YBX1: variants seen among roughly 807,000 people sequenced by gnomAD.
YBX1 encodes Y-box-binding protein 1.
In YBX1, 3 loss-of-function variants were observed where a neutral mutation model predicts 41.4. That is an observed-to-expected ratio of 0.07 (90% confidence interval 0.03 to 0.19). YBX1 has a LOEUF of 0.19. YBX1 is among the 10% of genes least tolerant of loss of function. The pLI is 1.00. For synonymous variants in YBX1, 133 were observed against 165.8 expected (o/e 0.80, Z 1.52); for missense variants, 274 against 462.8 (o/e 0.59, Z 3.74).
Position 42,682,477 on chromosome 1 carries a change from GC to G in YBX1, c.-85del. 1 of 1,334,412 alleles carries G rather than the reference GC, an allele frequency of 7.5e-7. No homozygotes were observed. The highest frequency in any genetic ancestry group is 9.6e-7 in the Non-Finnish European group (1 of 1,042,110). The allele number at this position is 1,334,412 out of a possible 1,614,324, so 82.7% of individuals were successfully genotyped here. On this transcript the variant is annotated 5_prime_UTR_variant, in exon 1 of 8. Transcript: ENST00000321358. ...AGCGGACCCCAGAGAGCCCTGAGCA[GC>G]CCCACCGCCGCCGCCGGCCTAGTTA...
At chr1:42,697,421 A>G (rs1650489187) in intron 6 of YBX1, among the ~76,000 whole-genome samples, 159 bp downstream of exon 6, 2 of 152,260 alleles carry the variant, frequency 1.3e-5, no homozygotes, top group African/African-American at 4.8e-5. Context: ...CAGCTTGTAT[A>G]GATGAGGTCT....
intron 2 of YBX1, among the ~76,000 whole-genome samples, chr1:42,692,410 G>A (rs1557531756): frequency 6.6e-6 from 1 of 152,110 alleles, no homozygotes; most frequent in Non-Finnish European, 1.5e-5. Flanking sequence ...TCAGTTTTCA[G>A]TCACTTGCCT....
chr1:42,683,526 G>T (rs1426709538), intron 2 of YBX1, 60 bp downstream of exon 2: 1 of 1,596,992 alleles, frequency 6.3e-7, no homozygotes, highest in African/African-American at 1.3e-5. Flanking sequence ...TGCTCTGTCG[G>T]CTTCTCGGGG....
Position 42,682,599 on chromosome 1 carries a change from G to A in YBX1, c.34G>A (p.Ala12Thr), listed in dbSNP as rs1557526410. 2.6e-5 allele frequency: 37 copies of A among 1,437,390 alleles called. No homozygotes were observed. Among genetic ancestry groups the A allele is most frequent in the Non-Finnish European group, 3.1e-5 (34 of 1,098,660 alleles). 89.0% of individuals were successfully genotyped at this position (1,437,390 alleles called of 1,614,324 possible). The change falls in exon 1 of 8, where the codon GCC becomes ACC. Residue 12 changes from alanine to threonine, a missense_variant. Ala to Thr is a moderately conservative substitution (Grantham distance 58). Coordinates refer to ENST00000321358, the MANE Select transcript of YBX1 (RefSeq NM_004559.5). ...CGAGGCCGAGACCCAGCAGCCGCCC[G>A]CCGCCCCCCCCGCCGCCCCCGCCCT... Reference protein sequence around the residue: ...SSEAETQQPPAAPPAAPALSA... With the variant: ...SSEAETQQPPTAPPAAPALSA...
chr1:42,699,117 G>T (rs1650531866), intron 6 of YBX1, among the ~76,000 whole-genome samples: 1 of 152,134 alleles, frequency 6.6e-6, no homozygotes. Flanking sequence ...ACAGTTGATG[G>T]CAGGAAAGTG....
At chr1:42,684,507 T>G (rs1415481299) in intron 2 of YBX1, among the ~76,000 whole-genome samples, 2 of 152,160 alleles carry the variant, frequency 1.3e-5, no homozygotes, top group African/African-American at 4.8e-5. Context: ...ATGGGCAAAA[T>G]CAAGCTTAAG....
intron 2 of YBX1, among the ~76,000 whole-genome samples, chr1:42,689,257 A>G (rs1471408854): frequency 6.6e-6 from 1 of 152,044 alleles, no homozygotes; most frequent in African/African-American, 2.4e-5. Flanking sequence ...AATAGAGAAG[A>G]AATACAAAGA....
Position 42,696,516 on chromosome 1 carries a change from C to G in YBX1, c.355-126C>G. Reference sequence around the variant, plus strand: ...ACCCCTGGTCACGCAGTTGCGCCCCCCCCCCCTTTTTTTTCCTTAACTTTG... The same window carrying G: ...ACCCCTGGTCACGCAGTTGCGCCCCGCCCCCCTTTTTTTTCCTTAACTTTG... On this transcript the variant is annotated intron_variant, in intron 4 of 7. Coordinates refer to ENST00000321358, the MANE Select transcript of YBX1 (RefSeq NM_004559.5). This position sits in a 1 kb window ranked among gnomAD's most constrained non-coding sequence, Gnocchi z 5.7. 1 of 694,028 alleles carries G rather than the reference C, an allele frequency of 1.4e-6. No homozygotes were observed. 43.0% of individuals were successfully genotyped at this position (694,028 alleles called of 1,614,324 possible).
At chr1:42,689,623 A>G (rs1390196481) in intron 2 of YBX1, among the ~76,000 whole-genome samples, 5 of 152,228 alleles carry the variant, frequency 3.3e-5, no homozygotes, top group African/African-American at 9.6e-5. Flanking sequence ...GGGGTCAAAC[A>G]TGGTGAACAT....
chr1:42,695,054 GTT>G (rs1191986788), intron 3 of YBX1, among the ~76,000 whole-genome samples: 1 of 152,242 alleles, frequency 6.6e-6, no homozygotes, highest in African/African-American at 2.4e-5. Flanking sequence ...CTATGTGACA[GTT>G]TAGATGACAG....
intron 6 of YBX1, among the ~76,000 whole-genome samples, chr1:42,699,335 C>T (rs1179011622): frequency 6.6e-6 from 1 of 152,154 alleles, no homozygotes; most frequent in Non-Finnish European, 1.5e-5. Context: ...GCAAAGAACC[C>T]TCTAGAACAG....
intron 5 of YBX1, 69 bp from the exon 6 acceptor site, chr1:42,697,111 G>T: frequency 6.4e-7 from 1 of 1,550,910 alleles, no homozygotes; most frequent in East Asian, 2.2e-5. Context: ...TTAACTCTTG[G>T]ATTTATCTGG....
At chr1:42,697,614 T>C (rs1325621922) in intron 6 of YBX1, among the ~76,000 whole-genome samples, 2 of 152,250 alleles carry the variant, frequency 1.3e-5, no homozygotes, top group Non-Finnish European at 2.9e-5. Context: ...AACAGTGTTA[T>C]CACTTGAAAT....
intron 2 of YBX1, among the ~76,000 whole-genome samples, chr1:42,685,106 TATGTGTTGAAGAAGTTTTAGC>T (rs552052841): frequency 0.012 from 1,751 of 152,084 alleles, 36 homozygotes; most frequent in African/African-American, 0.04. Flanking sequence ...GCAGGTTTTG[TATGTGTTGAAGAAGTTTTAGC>T]ATGTGCCTTG....
chr1:42,686,625 C>T (rs1440102349), intron 2 of YBX1, among the ~76,000 whole-genome samples: 1 of 152,222 alleles, frequency 6.6e-6, no homozygotes, highest in Non-Finnish European at 1.5e-5. Context: ...GGTTTAGTCT[C>T]CCTTTGGGGT....
chr1:42,693,675 A>T, intron 3 of YBX1, 152 bp downstream of exon 3: 1 of 709,036 alleles, frequency 1.4e-6, no homozygotes, highest in South Asian at 2.0e-5. Context: ...TTAAAAATGT[A>T]TACGTGGAAA....
At position 42,696,298 on chromosome 1, in the gene YBX1, C is replaced by CTTT. The variant is rs748266106; in HGVS notation, c.354+13_354+15dup. On this transcript the variant is annotated intron_variant, in intron 4 of 7. Coordinates refer to ENST00000321358, the MANE Select transcript of YBX1 (RefSeq NM_004559.5). The surrounding 1 kb of genome is among the most constrained non-coding windows in gnomAD (Gnocchi z 5.7). ...TGTTGAAGGAGAAAAGGTGAGGATG[C>CTTT]TTTTTGTGTAAAGGTTTGACTTCAG... is the stretch of plus-strand genomic sequence containing the variant. The CTTT allele has an allele frequency of 1.9e-5, 30 of 1,611,058 alleles. No individual in the cohort carries two copies. The Admixed American group carries it at 4.0e-4, about 22-fold the overall frequency.
intron 3 of YBX1, among the ~76,000 whole-genome samples, chr1:42,694,003 A>G (rs151073538): frequency 1.3e-5 from 2 of 152,064 alleles, no homozygotes; most frequent in Non-Finnish European, 2.9e-5. Context: ...CCTTCTGCTT[A>G]CTTTAAATCA....
intron 2 of YBX1, among the ~76,000 whole-genome samples, chr1:42,683,846 C>T (rs1040113064): frequency 1.3e-5 from 2 of 152,022 alleles, no homozygotes; most frequent in Non-Finnish European, 2.9e-5. Flanking sequence ...GAATGTGATC[C>T]ACTGACATCG....
Sources: allele counts gnomAD v4.1 joint callset (sites outside exome capture counted in the v4.1 genomes callset), GRCh38; gene constraint gnomAD v4.1.1; non-coding constraint Gnocchi (gnomAD v3.1); transcripts MANE v1.5; gene names NCBI Gene and HGNC (gene_info 2026-07-23, HGNC 2026-07-21).